The following CREB5 variants were observed in gnomAD, a reference collection of about 807,000 sequenced individuals.
CREB5 encodes the protein cyclic AMP-responsive element-binding protein 5.
Under a neutral mutation model 57.1 loss-of-function variants are expected in CREB5, and 19 were observed. The observed-to-expected ratio is 0.33, with a 90% confidence interval of 0.23 to 0.49. The LOEUF is 0.49. CREB5 is among the 20% of genes least tolerant of loss of function. The pLI is 0.99. For missense variants in CREB5, 579 were observed against 671.6 expected (o/e 0.86, Z 1.52); for synonymous variants, 238 against 238.3 (o/e 1.00, Z 0.01).
chr7:28,381,355 G>A (rs1786962738), intron 1 of CREB5, among the ~76,000 whole-genome samples: 1 of 152,106 alleles, frequency 6.6e-6, no homozygotes, highest in South Asian at 2.1e-4. Context: ...CCTCAGAAGA[G>A]GTGCTACTAT....
At chr7:28,759,835 C>G (rs547007153) in intron 7 of CREB5, among the ~76,000 whole-genome samples, 30 of 152,340 alleles carry the variant, frequency 2.0e-4, no homozygotes, top group Admixed American at 1.3e-4. Flanking sequence ...GAATGTGTGA[C>G]ATGCTCAGGT....
intron 1 of CREB5, among the ~76,000 whole-genome samples, chr7:28,447,207 G>T (rs190306146): frequency 1.3e-5 from 2 of 152,294 alleles, no homozygotes; most frequent in Admixed American, 6.5e-5. Flanking sequence ...AGTGCCTGGC[G>T]CACATCTGTT....
At chr7:28,522,557 G>A (rs1342741367) in intron 4 of CREB5, among the ~76,000 whole-genome samples, 2 of 151,902 alleles carry the variant, frequency 1.3e-5, no homozygotes, top group East Asian at 1.9e-4. Flanking sequence ...CACCATGCCC[G>A]GCTAATTTTT....
At chr7:28,806,633 T>C (rs1583790164) in intron 8 of CREB5, among the ~76,000 whole-genome samples, 2 of 152,248 alleles carry the variant, frequency 1.3e-5, no homozygotes, top group East Asian at 1.9e-4. Flanking sequence ...TTGCATTTTC[T>C]CCTGGCTTCT....
At chr7:28,467,751 C>T (rs1583499146) in intron 1 of CREB5, among the ~76,000 whole-genome samples, 2 of 152,248 alleles carry the variant, frequency 1.3e-5, no homozygotes, top group Middle Eastern at 6.8e-3. Flanking sequence ...ATGTCTATAT[C>T]AAGTGGGCCA....
intron 7 of CREB5, among the ~76,000 whole-genome samples, chr7:28,797,753 C>T (rs1482211612): frequency 6.6e-6 from 1 of 152,148 alleles, no homozygotes; most frequent in Admixed American, 6.5e-5. Context: ...TTGTTAAATT[C>T]AGTGGATAAG....
intron 7 of CREB5, among the ~76,000 whole-genome samples, chr7:28,790,709 C>T (rs1423483099): frequency 6.6e-6 from 1 of 152,200 alleles, no homozygotes; most frequent in African/African-American, 2.4e-5. Context: ...CAACATCTGC[C>T]TAGCAGAAGC....
At chr7:28,721,771 T>A (rs1803044735) in intron 6 of CREB5, among the ~76,000 whole-genome samples, 1 of 152,018 alleles carries the variant, frequency 6.6e-6, no homozygotes, top group Non-Finnish European at 1.5e-5. Context: ...CTTCAAGGAG[T>A]TCGGTGGGTT....
intron 1 of CREB5, among the ~76,000 whole-genome samples, chr7:28,370,767 T>C (rs530181849): frequency 2.6e-4 from 39 of 152,312 alleles, no homozygotes; most frequent in African/African-American, 8.9e-4. Context: ...TAGGATTTAT[T>C]AGCAGTAGAA....
At chr7:28,389,311 A>T (rs893391404) in intron 1 of CREB5, among the ~76,000 whole-genome samples, 5 of 152,184 alleles carry the variant, frequency 3.3e-5, no homozygotes, top group African/African-American at 1.2e-4. Context: ...CAACATAAAG[A>T]AAATAAGATG....
rs150201438 is a variant in CREB5, at chr7:28,543,800, G to C, written c.292-26565G>C. 1.2e-4 allele frequency among the ~76,000 whole-genome samples: 18 copies of C among 151,954 alleles called. No individual in the cohort carries two copies. In the East Asian group the frequency reaches 2.3e-3, roughly 20 times the overall value. ...ACAGTGCCACGTTCCTGTGAGGCTG[G>C]TCGGAGTCCACACGGGGAGTGGGCA... On this transcript the variant is annotated intron_variant, in intron 4 of 10. Coordinates refer to ENST00000357727, the MANE Select transcript of CREB5 (RefSeq NM_182898.4).
chr7:28,548,089 A>G (rs1400245494), intron 4 of CREB5, among the ~76,000 whole-genome samples: 4 of 152,156 alleles, frequency 2.6e-5, no homozygotes, highest in Non-Finnish European at 5.9e-5. Flanking sequence ...TAGTGGGGTA[A>G]ATTTTGTGAC....
chr7:28,801,197 T>C (rs1808342823), intron 7 of CREB5, among the ~76,000 whole-genome samples: 1 of 152,222 alleles, frequency 6.6e-6, no homozygotes, highest in African/African-American at 2.4e-5. Flanking sequence ...TGAGGATATG[T>C]GGTGGTTACA....
At chr7:28,736,603 C>T (rs987906244) in intron 7 of CREB5, among the ~76,000 whole-genome samples, 1 of 152,170 alleles carries the variant, frequency 6.6e-6, no homozygotes, top group Non-Finnish European at 1.5e-5. Context: ...ATTTAGCCAG[C>T]AAGTGGCCAA....
At chr7:28,314,189 T>C (rs1785334037) in intron 1 of CREB5, among the ~76,000 whole-genome samples, 1 of 152,214 alleles carries the variant, frequency 6.6e-6, no homozygotes, top group Admixed American at 6.5e-5. Flanking sequence ...AGAAAGATCA[T>C]GGAGATTGTT....
chr7:28,352,150 T>A (rs948792581), intron 1 of CREB5, among the ~76,000 whole-genome samples: 9 of 152,208 alleles, frequency 5.9e-5, no homozygotes, highest in African/African-American at 2.2e-4. Flanking sequence ...TTTCATAGAG[T>A]CTTTGGCATT....
intron 5 of CREB5, among the ~76,000 whole-genome samples, chr7:28,658,831 T>C (rs1320738690): frequency 2.0e-5 from 3 of 150,964 alleles, no homozygotes; most frequent in Non-Finnish European, 3.0e-5. Flanking sequence ...CCTCCTGTTG[T>C]AGGGGAAAAA....
chr7:28,693,323 T>C (rs1448831349), intron 5 of CREB5, among the ~76,000 whole-genome samples: 1 of 152,232 alleles, frequency 6.6e-6, no homozygotes, highest in South Asian at 2.1e-4. Flanking sequence ...TGAACTGGAA[T>C]GGCTACCATG....
chr7:28,618,418 A>T (rs142475442), intron 5 of CREB5, among the ~76,000 whole-genome samples: 1 of 151,436 alleles, frequency 6.6e-6, no homozygotes, highest in African/African-American at 2.4e-5. Flanking sequence ...AGTTTCATCT[A>T]TTTTTTTTTA....
Sources: allele counts gnomAD v4.1 joint callset (sites outside exome capture counted in the v4.1 genomes callset), GRCh38; gene constraint gnomAD v4.1.1; transcripts MANE v1.5; gene names NCBI Gene and HGNC (gene_info 2026-07-23, HGNC 2026-07-21).